The following QPCT variants were observed in gnomAD, a reference collection of about 807,000 sequenced individuals.
QPCT encodes the protein glutaminyl-peptide cyclotransferase.
Under a neutral mutation model 43.4 loss-of-function variants are expected in QPCT, and 44 were observed. That is an observed-to-expected ratio of 1.01 (90% CI 0.80 to 1.30). The LOEUF (loss-of-function observed/expected upper bound fraction) is 1.30. Ranked by LOEUF, QPCT falls within the 50% of genes most tolerant of loss-of-function variation. The pLI is 0.00. For synonymous variants in QPCT, 168 were observed against 168.4 expected, an observed-to-expected ratio of 1.00 and a Z score of 0.02; for missense variants, 526 against 436.5, an observed-to-expected ratio of 1.21 and a Z score of -1.83.
Position 37,359,686 on chromosome 2 carries a change from G to A in QPCT, c.374G>A (p.Ser125Asn). Residue 125 changes from serine to asparagine, a missense_variant, in exon 3 of 7, where the codon AGC becomes AAC. Transcript: ENST00000338415. ...YGYRSFSNII[S>N]TLNPTAKRHL... ...TACCGGTCTTTCTCAAATATCATCA[G>A]CACCCTCAATCCCACTGCTAAACGA... 1 of 1,614,038 alleles carries A rather than the reference G, an allele frequency of 6.2e-7. No individual in the cohort carries two copies. The highest frequency in any genetic ancestry group is 8.5e-7 in the Non-Finnish European group (1 of 1,179,968).
intron 3 of QPCT, 71 bp from the exon 4 acceptor site, chr2:37,367,161 T>C (rs1307888597): frequency 6.8e-7 from 1 of 1,473,224 alleles, no homozygotes; most frequent in Non-Finnish European, 9.2e-7. Context: ...TTTGCCCAAT[T>C]AATAGAAAAT....
At chr2:37,350,606 G>A (rs1293290918) in intron 1 of QPCT, among the ~76,000 whole-genome samples, 2 of 152,200 alleles carry the variant, frequency 1.3e-5, no homozygotes, top group African/African-American at 4.8e-5. Flanking sequence ...AAACTAGCAT[G>A]GGATTGGAAA....
chr2:37,368,718 C>A (rs58759478), intron 4 of QPCT: 1 of 470,940 alleles, frequency 2.1e-6, no homozygotes. Context: ...AGAACATATT[C>A]ACAAGAGGAG....
chr2:37,365,486 G>A (rs1431524278), intron 3 of QPCT, among the ~76,000 whole-genome samples: 2 of 152,218 alleles, frequency 1.3e-5, no homozygotes, highest in African/African-American at 2.4e-5. Flanking sequence ...TGGAGACAGC[G>A]TGAATAGACA....
rs769234907 is a variant in QPCT at position 37,369,765 on chromosome 2, C to T, written c.804C>T (p.Phe268=). Residue 268 remains phenylalanine (F), a synonymous_variant, in exon 5 of 7, where the codon TTC becomes TTT. Coordinates refer to ENST00000338415, the MANE Select transcript of QPCT (RefSeq NM_012413.4). ...TTTTTCCAAACTCAGCCAGGTGGTTCGAAAGACTTCAAGCAATTGGTAAGC... is the reference window on the plus strand; with the variant it reads ...TTTTTCCAAACTCAGCCAGGTGGTTTGAAAGACTTCAAGCAATTGGTAAGC... ...PNFFPNSARW[F]ERLQAIEHEL... The T allele has an allele frequency of 3.6e-5, 57 of 1,591,864 alleles. No homozygotes were observed. Among genetic ancestry groups the T allele is most frequent in the Non-Finnish European group, 4.5e-5 (52 of 1,159,940 alleles).
chr2:37,357,425 G>A lies in QPCT; in HGVS notation c.268-2155G>A, dbSNP rs188665493. On this transcript the variant is annotated intron_variant, in intron 2 of 6. Transcript: ENST00000338415. ...ATTCAAACTATTAATGCTTTGTATCGTATAGTTTTATATATTCTCATTAAA... is the reference window on the plus strand; with the variant it reads ...ATTCAAACTATTAATGCTTTGTATCATATAGTTTTATATATTCTCATTAAA... 3.0e-3 allele frequency among the ~76,000 whole-genome samples: 447 copies of A among 151,224 alleles called. 3 individuals carry two copies. Among genetic ancestry groups the A allele is most frequent in the Non-Finnish European group, 3.8e-3 (258 of 67,906 alleles).
rs1389307350 is a variant in QPCT at position 37,347,144 on chromosome 2, T to TTTTATATATATATA, written c.120+2294_120+2295insTTATATATATATAT. On this transcript the variant is annotated intron_variant, in intron 1 of 6. Transcript: ENST00000338415. The stretch of plus-strand genomic sequence containing the variant: ...CATTGGCATCTGGGTATGGGGTGTT[T>TTTTATATATATATA]TATATATATATATATATATAACATA... Among the ~76,000 whole-genome samples, 35 of 55,286 alleles carry TTTTATATATATATA rather than the reference T, an allele frequency of 6.3e-4. 1 individual carries two copies. Among genetic ancestry groups the TTTTATATATATATA allele is most frequent in the East Asian group, 3.4e-3 (2 of 592 alleles). The allele number at this position is 55,286 out of a possible 152,430, so 36.3% of individuals were successfully genotyped here.
chr2:37,347,432 TC>T (rs1672528672), intron 1 of QPCT, among the ~76,000 whole-genome samples: 1 of 150,818 alleles, frequency 6.6e-6, no homozygotes, highest in Non-Finnish European at 1.5e-5. Context: ...GGTAGATGAG[TC>T]CTGGCTGATG....
At chr2:37,368,709 G>C (rs1673014170) in intron 4 of QPCT, 1 of 470,880 alleles carries the variant, frequency 2.1e-6, no homozygotes, top group African/African-American at 2.0e-5. Context: ...AAAGCATTCA[G>C]AACATATTCA....
intron 3 of QPCT, among the ~76,000 whole-genome samples, chr2:37,360,577 A>T (rs890015152): frequency 1.3e-5 from 2 of 152,232 alleles, no homozygotes; most frequent in Non-Finnish European, 2.9e-5. Flanking sequence ...TTCTCAGGCA[A>T]CAAATGCTTT....
intron 5 of QPCT, among the ~76,000 whole-genome samples, chr2:37,370,058 ACCTGTAAT>A (rs939680818): frequency 6.6e-6 from 1 of 152,014 alleles, no homozygotes; most frequent in African/African-American, 2.4e-5. Context: ...GGTGGCGGGC[ACCTGTAAT>A]CCCAGCTACT....
At chr2:37,345,043 C>G (rs1672452805) in intron 1 of QPCT, among the ~76,000 whole-genome samples, 192 bp downstream of exon 1, 1 of 152,166 alleles carries the variant, frequency 6.6e-6, no homozygotes, top group Non-Finnish European at 1.5e-5. Context: ...CTCGGCCAGT[C>G]CGGGGCTGTT....
intron 3 of QPCT, among the ~76,000 whole-genome samples, chr2:37,366,917 A>G (rs1359005594): frequency 6.6e-6 from 1 of 152,192 alleles, no homozygotes; most frequent in Admixed American, 6.5e-5. Flanking sequence ...CCTGTATGGG[A>G]AGTGGGTGGT....
Position 37,369,677 on chromosome 2 carries a change from TC to T in QPCT, c.724-5del. ...GATGGTGATTAAACATTACTTTTTCTCCCTCAGGATTTATTGGTCTTATTGG... is the reference window on the plus strand; with the variant it reads ...GATGGTGATTAAACATTACTTTTTCTCCTCAGGATTTATTGGTCTTATTGG... On this transcript the variant is annotated splice_polypyrimidine_tract_variant and splice_region_variant and intron_variant, in intron 4 of 6. Transcript: ENST00000338415. 1.3e-6 allele frequency: 2 copies of T among 1,561,946 alleles called. No homozygotes were observed. The highest frequency in any genetic ancestry group is 1.8e-6 in the Non-Finnish European group (2 of 1,132,572).
At chr2:37,370,439 C>T (rs1179276726) in intron 5 of QPCT, among the ~76,000 whole-genome samples, 9 of 152,198 alleles carry the variant, frequency 5.9e-5, no homozygotes, top group South Asian at 4.1e-4. Context: ...AGGTAGAATG[C>T]GTTTCGAGAG....
chr2:37,370,372 T>A (rs1049931743), intron 5 of QPCT, among the ~76,000 whole-genome samples: 3 of 152,154 alleles, frequency 2.0e-5, no homozygotes, highest in African/African-American at 4.8e-5. Flanking sequence ...TGTTTGCACA[T>A]CCTTAAAAAT....
rs142818319 is a variant in QPCT, at chr2:37,361,956, C to T, written c.546+2098C>T. Among the ~76,000 whole-genome samples, 569 of 152,258 alleles carry T rather than the reference C, an allele frequency of 3.7e-3. 3 individuals are homozygous for T. Among genetic ancestry groups the T allele is most frequent in the Non-Finnish European group, 6.9e-3 (472 of 68,010 alleles). ...AGGTACTAGGCTGAGTTACTAGTAACGAAGGCCATGGCTATTTTTCTGCCA... is the reference window on the plus strand; with the variant it reads ...AGGTACTAGGCTGAGTTACTAGTAATGAAGGCCATGGCTATTTTTCTGCCA... On this transcript the variant is annotated intron_variant, in intron 3 of 6. Transcript: ENST00000338415.
intron 1 of QPCT, among the ~76,000 whole-genome samples, chr2:37,345,835 C>CA (rs70949752): frequency 0.29 from 24,042 of 82,222 alleles, 3,518 homozygotes; most frequent in Non-Finnish European, 0.38. Context: ...GACTCCGTCT[C>CA]AAAAAAAAAA....
intron 3 of QPCT, among the ~76,000 whole-genome samples, chr2:37,364,238 T>C (rs1672911242): frequency 6.6e-6 from 1 of 152,214 alleles, no homozygotes; most frequent in South Asian, 2.1e-4. Context: ...CTTAAAGCTG[T>C]GCTCCAGAAA....
Sources: allele counts gnomAD v4.1 joint callset (sites outside exome capture counted in the v4.1 genomes callset), GRCh38; gene constraint gnomAD v4.1.1; transcripts MANE v1.5; gene names NCBI Gene and HGNC (gene_info 2026-07-23, HGNC 2026-07-21).